Variants in LRRC69 observed in about 807,000 individuals in gnomAD.
LRRC69 encodes leucine-rich repeat-containing protein 69.
In LRRC69, 42 loss-of-function variants were observed where a neutral mutation model predicts 37.8. The ratio of observed to expected loss-of-function variants is 1.11; its 90% confidence interval spans 0.87 to 1.44. The LOEUF is 1.44. Ranked by LOEUF, LRRC69 falls within the 40% of genes most tolerant of loss-of-function variation. The pLI is 0.00. For synonymous variants in LRRC69, 141 were observed against 143.1 expected (o/e 0.99, Z 0.11); for missense variants, 357 against 401.9 (o/e 0.89, Z 0.96).
chr8:91,197,396 G>C (rs979297682), intron 6 of LRRC69, among the ~76,000 whole-genome samples: 27 of 152,288 alleles, frequency 1.8e-4, no homozygotes, highest in Admixed American at 1.6e-3. Context: ...CGGCTGCTTT[G>C]TTTACCTAAT....
intron 2 of LRRC69, among the ~76,000 whole-genome samples, chr8:91,125,085 C>T (rs938684524): frequency 6.6e-5 from 10 of 151,476 alleles, no homozygotes; most frequent in African/African-American, 2.4e-4. Context: ...GCATTTTTTT[C>T]TTTCTTTTTC....
chr8:91,152,322 G>T (rs1808755631), intron 5 of LRRC69, among the ~76,000 whole-genome samples: 3 of 151,602 alleles, frequency 2.0e-5, no homozygotes, highest in African/African-American at 4.8e-5. Flanking sequence ...GTAAGGAAGG[G>T]GTGCAGTTTC....
At chr8:91,158,000 C>T in intron 5 of LRRC69, 1 of 1,345,298 alleles carries the variant, frequency 7.4e-7, no homozygotes, top group Non-Finnish European at 1.1e-6. Context: ...AATTCTAGGT[C>T]TACAACTTCA....
At chr8:91,161,301 C>A (rs562251524) in intron 5 of LRRC69, among the ~76,000 whole-genome samples, 1 of 151,312 alleles carries the variant, frequency 6.6e-6, no homozygotes, top group African/African-American at 2.4e-5. Flanking sequence ...AAGGGAAATG[C>A]TGGCCTTGAA....
chr8:91,182,153 A>G lies in LRRC69; in HGVS notation c.652-7369A>G, dbSNP rs534381758. 9.8e-5 allele frequency among the ~76,000 whole-genome samples: 15 copies of G among 152,304 alleles called. No individual in the cohort carries two copies. In the South Asian group the frequency reaches 2.7e-3, roughly 27 times the overall value. On this transcript the variant is annotated intron_variant, in intron 5 of 7. Transcript: ENST00000448384. The stretch of plus-strand genomic sequence containing the variant: ...AAAATTTAGGAAAATATAAAAGTGC[A>G]TAAAAATAAATTACAACTATACAAC...
intron 6 of LRRC69, among the ~76,000 whole-genome samples, chr8:91,200,065 G>A (rs1035144481): frequency 2.6e-5 from 4 of 152,126 alleles, no homozygotes; most frequent in Admixed American, 2.6e-4. Context: ...TTAGACCAGT[G>A]CTTCTCAAAT....
intron 1 of LRRC69, among the ~76,000 whole-genome samples, chr8:91,107,712 T>A (rs1813342289): frequency 6.6e-6 from 1 of 151,988 alleles, no homozygotes; most frequent in African/African-American, 2.4e-5. Context: ...CTACTTCCAT[T>A]TTTCTTTGCT....
intron 5 of LRRC69, among the ~76,000 whole-genome samples, chr8:91,174,059 A>G (rs1809183952): frequency 5.5e-5 from 1 of 18,056 alleles, no homozygotes; most frequent in Non-Finnish European, 1.4e-4. Context: ...ATTTTTCTAC[A>G]ATGCCTTGAA....
chr8:91,135,703 C>T (rs1813900716), exon 5 of LRRC69: 3 of 1,459,158 alleles, frequency 2.1e-6, no homozygotes, highest in Non-Finnish European at 2.7e-6. Flanking sequence ...GAATCCTAGA[C>T]ATAGCTGGAA....
chr8:91,106,973 T>A (rs1813326087), intron 1 of LRRC69, among the ~76,000 whole-genome samples: 1 of 151,652 alleles, frequency 6.6e-6, no homozygotes, highest in African/African-American at 2.4e-5. Flanking sequence ...AAAAAATTTT[T>A]TTTTTTTGTT....
chr8:91,134,427 T>C (rs1395094163), intron 4 of LRRC69, among the ~76,000 whole-genome samples: 2 of 151,580 alleles, frequency 1.3e-5, no homozygotes, highest in Admixed American at 1.3e-4. Context: ...GAGCCCAGCG[T>C]TCTGAGGTCC....
At chr8:91,206,578 C>A in intron 7 of LRRC69, 1 of 789,656 alleles carries the variant, frequency 1.3e-6, no homozygotes, top group Non-Finnish European at 1.7e-6. Context: ...TCCTGCTTTC[C>A]ACTGGTGATG....
At chr8:91,214,969 T>A (rs367599497) in intron 7 of LRRC69, among the ~76,000 whole-genome samples, 1 of 152,076 alleles carries the variant, frequency 6.6e-6, no homozygotes, top group Non-Finnish European at 1.5e-5. Flanking sequence ...CATTGGCTCA[T>A]GGTTCCTTTC....
chr8:91,158,067 A>G, intron 5 of LRRC69: 3 of 1,389,658 alleles, frequency 2.2e-6, no homozygotes, highest in Non-Finnish European at 3.1e-6. Context: ...ACAAGGCCCT[A>G]CTCAATACAT....
At chr8:91,157,271 C>T (rs1267967763) in intron 5 of LRRC69, 7 of 1,569,200 alleles carry the variant, frequency 4.5e-6, no homozygotes, top group Non-Finnish European at 5.3e-6. Flanking sequence ...TCTAATGTGA[C>T]CTTTCTCACA....
At chr8:91,142,267 T>G (rs1416546318) in intron 5 of LRRC69, among the ~76,000 whole-genome samples, 1 of 152,018 alleles carries the variant, frequency 6.6e-6, no homozygotes, top group Non-Finnish European at 1.5e-5. Context: ...ATATATAAAA[T>G]ATTGCAGACC....
chr8:91,207,291 G>A (rs1009924613), intron 7 of LRRC69, among the ~76,000 whole-genome samples: 1 of 152,200 alleles, frequency 6.6e-6, no homozygotes, highest in African/African-American at 2.4e-5. Context: ...ACACAGAACT[G>A]TGGCTAGGGA....
In LRRC69 at chr8:91,178,536, A is replaced by G. The variant is rs571047583; in HGVS notation, c.652-10986A>G. On this transcript the variant is annotated intron_variant, in intron 5 of 7. Transcript: ENST00000448384. ...AATATTTTGTTAGCTTTTTGCTTTT[A>G]TCTTCTGTTTCCCTTTGTCATGTAC... Among the ~76,000 whole-genome samples the G allele has an allele frequency of 1.2e-4, 18 of 152,312 alleles. 1 individual carries two copies. The South Asian group carries it at 3.7e-3, about 32-fold the overall frequency.
rs1809031637 is a variant in LRRC69 at position 91,166,496 on chromosome 8, A to AC, written c.652-23026_652-23025insC. Reference sequence around the variant, plus strand: ...GAGGGGGTTGTAAAATAAACTGAAAAAAAAAAAAAAAAAAAAAAAACCTAT... The same window carrying AC: ...GAGGGGGTTGTAAAATAAACTGAAAACAAAAAAAAAAAAAAAAAAAACCTAT... On this transcript the variant is annotated intron_variant, in intron 5 of 7. Coordinates refer to ENST00000448384, the Ensembl canonical transcript of LRRC69. 2.1e-4 allele frequency among the ~76,000 whole-genome samples: 8 copies of AC among 37,802 alleles called. No homozygotes were observed. In the South Asian group the frequency reaches 0.016, roughly 74 times the overall value. 24.8% of individuals were successfully genotyped at this position (37,802 alleles called of 152,430 possible).
Sources: gnomAD v4.1 joint callset for allele counts (sites outside exome capture counted in the v4.1 genomes callset) on GRCh38, gnomAD v4.1.1 for gene constraint, MANE v1.5 for transcripts, NCBI Gene and HGNC (gene_info 2026-07-23, HGNC 2026-07-21) for gene names.